The following ANKRD11 variants were observed in gnomAD, a reference collection of about 807,000 sequenced individuals.
ANKRD11 encodes the protein ankyrin repeat domain 11.
ANKRD11 carries 17 observed loss-of-function variants against 195.7 expected under a neutral mutation model. The observed-to-expected ratio is 0.09, with a 90% CI of 0.06 to 0.13. The LOEUF is 0.13. ANKRD11 is among the 10% of genes least tolerant of loss of function. The probability of loss-of-function intolerance (pLI) is 1.00; values close to 1 mark genes in which losing one functional copy is unlikely to be tolerated. For synonymous variants in ANKRD11, 1,953 were observed against 1,528.1 expected (o/e 1.28, Z -6.49); for missense variants, 3,735 against 3,566.1 (o/e 1.05, Z -1.21).
At chr16:89,446,138 A>C (rs143654976) in intron 1 of ANKRD11, among the ~76,000 whole-genome samples, 2 of 152,264 alleles carry the variant, frequency 1.3e-5, no homozygotes, top group East Asian at 3.9e-4. Flanking sequence ...AGGACTTCCA[A>C]TTGCATTTCA....
At chr16:89,368,375 T>TTTG (rs1356925579) in intron 2 of ANKRD11, among the ~76,000 whole-genome samples, 4 of 46,950 alleles carry the variant, frequency 8.5e-5, no homozygotes, top group Admixed American at 6.9e-4. Flanking sequence ...TTTTGTGTTT[T>TTTG]TTTTTTTTTT....
chr16:89,270,947 CAG>C lies in ANKRD11; in HGVS notation c.7714-40_7714-39del, dbSNP rs566320315. The C allele has an allele frequency of 5.9e-5, 95 of 1,604,428 alleles. No individual in the cohort carries two copies. In the South Asian group the frequency reaches 7.6e-4, roughly 13 times the overall value. On this transcript the variant is annotated intron_variant, in intron 11 of 12. Coordinates refer to ENST00000301030, the MANE Select transcript of ANKRD11 (RefSeq NM_013275.6). ...AACACGGGAGTTTCATCAGGAGCCC[CAG>C]AGACCGCTACGGGAAGGCATGCCAG...
Position 89,288,369 on chromosome 16 carries a change from G to A in ANKRD11, c.744+159C>T, listed in dbSNP as rs145324416. 1.2e-3 allele frequency: 1,393 copies of A among 1,170,104 alleles called. 22 individuals carry two copies. The South Asian group carries it at 0.013, about 11-fold the overall frequency. The allele number at this position is 1,170,104 out of a possible 1,614,324, so 72.5% of individuals were successfully genotyped here. A position where few individuals can be genotyped will look rare whatever the true frequency, so the allele number is the denominator to read the frequency against. The stretch of plus-strand genomic sequence containing the variant: ...CTGACCCAGAAGGGGAAAGCTGGGG[G>A]CAGACAGAGGGCACAGCTCGGCCTT... On this transcript the variant is annotated intron_variant, in intron 7 of 12. Coordinates refer to ENST00000301030, the MANE Select transcript of ANKRD11 (RefSeq NM_013275.6).
rs759914961 is a variant in ANKRD11 at position 89,469,944 on chromosome 16, C to T, written c.-145+20301G>A. Among the ~76,000 whole-genome samples, 11 of 151,074 alleles carry T rather than the reference C, an allele frequency of 7.3e-5. 1 individual carries two copies. Among genetic ancestry groups the T allele is most frequent in the Non-Finnish European group, 1.0e-4 (7 of 67,824 alleles). On this transcript the variant is annotated intron_variant, in intron 1 of 12. Coordinates refer to ENST00000301030, the MANE Select transcript of ANKRD11 (RefSeq NM_013275.6). Reference sequence around the variant, plus strand: ...TTGTTTTTGACGGAGCTCACTCTGTCGCTCAGGCTGGAGCGCAGTGGTGCG... The same window carrying T: ...TTGTTTTTGACGGAGCTCACTCTGTTGCTCAGGCTGGAGCGCAGTGGTGCG...
At chr16:89,288,156 G>A (rs1375507390) in intron 7 of ANKRD11, 2 of 602,276 alleles carry the variant, frequency 3.3e-6, no homozygotes, top group East Asian at 2.7e-5. Flanking sequence ...CATTCCAGAC[G>A]AGGGTGGGTC....
Position 89,426,731 on chromosome 16 carries a change from G to C in ANKRD11, c.-144-8363C>G, listed in dbSNP as rs184660453. ...ACTCAAAAGGAAACATGAATATACT[G>C]TGATCTACTTGTCTTGAGCTCACTG... On this transcript the variant is annotated intron_variant, in intron 1 of 12. Coordinates refer to ENST00000301030, the MANE Select transcript of ANKRD11 (RefSeq NM_013275.6). Among the ~76,000 whole-genome samples the C allele has an allele frequency of 4.6e-5, 7 of 152,270 alleles. No individual in the cohort carries two copies. In the East Asian group the frequency reaches 1.2e-3, roughly 25 times the overall value.
chr16:89,440,277 G>A (rs2043390845), intron 1 of ANKRD11, among the ~76,000 whole-genome samples: 1 of 152,066 alleles, frequency 6.6e-6, no homozygotes, highest in African/African-American at 2.4e-5. Context: ...CTGGGGGGAG[G>A]GATAAATAAC....
intron 1 of ANKRD11, among the ~76,000 whole-genome samples, chr16:89,453,304 T>G (rs1051448973): frequency 6.6e-6 from 1 of 152,242 alleles, no homozygotes; most frequent in African/African-American, 2.4e-5. Flanking sequence ...AAATTATTGT[T>G]CGAGGTCAAT....
At chr16:89,458,268 AGGTT>A (rs1310955707) in intron 1 of ANKRD11, among the ~76,000 whole-genome samples, 1 of 151,512 alleles carries the variant, frequency 6.6e-6, no homozygotes, top group African/African-American at 2.4e-5. Context: ...TGTGTCACCC[AGGTT>A]GGAGTGCAGT....
At chr16:89,404,102 G>A (rs1349944720) in intron 2 of ANKRD11, among the ~76,000 whole-genome samples, 1 of 152,122 alleles carries the variant, frequency 6.6e-6, no homozygotes, top group Non-Finnish European at 1.5e-5. Context: ...CTGCTAGCCC[G>A]GCACATGATT....
chr16:89,440,660 G>A (rs1418080614), intron 1 of ANKRD11, among the ~76,000 whole-genome samples: 1 of 152,078 alleles, frequency 6.6e-6, no homozygotes, highest in Non-Finnish European at 1.5e-5. Context: ...GAAAGCATAA[G>A]AAAATATCAA....
rs940187561 is a variant in ANKRD11, at chr16:89,489,967, C to A, written c.-145+278G>T. On this transcript the variant is annotated intron_variant, in intron 1 of 12. Coordinates refer to ENST00000301030, the MANE Select transcript of ANKRD11 (RefSeq NM_013275.6). ...GCTCCGCCGACCTCCCAGGCCCCCC[C>A]CGGAGCCCCCTATGGGCCCCTCACG... 5.4e-5 allele frequency among the ~76,000 whole-genome samples: 8 copies of A among 147,608 alleles called. 1 individual carries two copies. Among genetic ancestry groups the A allele is most frequent in the Admixed American group, 2.0e-4 (3 of 15,022 alleles).
intron 2 of ANKRD11, among the ~76,000 whole-genome samples, chr16:89,344,101 TCTC>T (rs1338292628): frequency 6.6e-6 from 1 of 151,988 alleles, no homozygotes; most frequent in Non-Finnish European, 1.5e-5. Flanking sequence ...CGGGCCTCAA[TCTC>T]CTCATCTATA....
chr16:89,290,960 G>A (rs2035022250), intron 5 of ANKRD11, 53 bp downstream of exon 5: 2 of 1,610,106 alleles, frequency 1.2e-6, no homozygotes, highest in Non-Finnish European at 1.7e-6. Context: ...ATGAGGCTGC[G>A]ACCAGGCAGA....
intron 2 of ANKRD11, among the ~76,000 whole-genome samples, chr16:89,329,588 CAG>C (rs1484173429): frequency 2.7e-5 from 4 of 150,070 alleles, no homozygotes; most frequent in African/African-American, 9.9e-5. Flanking sequence ...TAACTAGAAA[CAG>C]AAAAAAATTT....
intron 2 of ANKRD11, among the ~76,000 whole-genome samples, chr16:89,326,498 T>C (rs2037729327): frequency 6.6e-6 from 1 of 151,950 alleles, no homozygotes; most frequent in East Asian, 1.9e-4. Flanking sequence ...TGGTCCCAGC[T>C]ACTCAGGAGG....
At chr16:89,274,660 C>CA (rs1368143203) in intron 11 of ANKRD11, 154 bp downstream of exon 11, 2 of 1,179,114 alleles carry the variant, frequency 1.7e-6, no homozygotes, top group African/African-American at 3.0e-5. Context: ...GAGGCTCGCC[C>CA]AAGGCTAGAG....
chr16:89,292,708 T>C (rs1366531531), intron 4 of ANKRD11, among the ~76,000 whole-genome samples: 1 of 152,214 alleles, frequency 6.6e-6, no homozygotes, highest in Non-Finnish European at 1.5e-5. Flanking sequence ...ACTTGAGCTT[T>C]GGCCCCAGCC....
In ANKRD11 at chr16:89,473,154, G is replaced by C. The variant is rs140489541; in HGVS notation, c.-145+17091C>G. The stretch of plus-strand genomic sequence containing the variant: ...AGGATCACACCACTGCCCTCCAGCC[G>C]AGGCAAGAAAGCAAGACCCTGCCTC... On this transcript the variant is annotated intron_variant, in intron 1 of 12. Transcript: ENST00000301030. 3.7e-4 allele frequency among the ~76,000 whole-genome samples: 55 copies of C among 149,754 alleles called. No individual in the cohort carries two copies. In the East Asian group the frequency reaches 9.9e-3, roughly 27 times the overall value.
Sources: allele counts gnomAD v4.1 joint callset (sites outside exome capture counted in the v4.1 genomes callset), GRCh38; gene constraint gnomAD v4.1.1; transcripts MANE v1.5; gene names NCBI Gene and HGNC (gene_info 2026-07-23, HGNC 2026-07-21).